ADAM22: variants seen among roughly 807,000 people sequenced by gnomAD.
The protein encoded by ADAM22 is disintegrin and metalloproteinase domain-containing protein 22.
A neutral mutation model predicts 144.6 loss-of-function variants in ADAM22; 65 were observed. That is an observed-to-expected ratio of 0.45 (90% CI 0.37 to 0.55). The LOEUF is 0.55. Ranked by LOEUF, ADAM22 falls within the 20% of genes least tolerant of loss-of-function variation. ADAM22 has a pLI of 0.00. For synonymous variants in ADAM22, 391 were observed against 412.6 expected (o/e 0.95, Z 0.63); for missense variants, 974 against 1,184.9 (o/e 0.82, Z 2.61).
At chr7:88,180,930 T>C (rs181821489) in intron 27 of ADAM22, among the ~76,000 whole-genome samples, 200 of 152,246 alleles carry the variant, frequency 1.3e-3, no homozygotes, top group African/African-American at 4.6e-3. Flanking sequence ...AGTTCAGTTA[T>C]TGAACAGTTA....
chr7:87,941,593 A>G (rs1842489160), intron 2 of ADAM22, among the ~76,000 whole-genome samples: 1 of 152,170 alleles, frequency 6.6e-6, no homozygotes, highest in Non-Finnish European at 1.5e-5. Flanking sequence ...ACTGCTATAA[A>G]TAGGAGACAT....
chr7:87,989,686 C>T (rs768120742), intron 3 of ADAM22, among the ~76,000 whole-genome samples: 5 of 152,184 alleles, frequency 3.3e-5, no homozygotes, highest in Non-Finnish European at 5.9e-5. Flanking sequence ...GAGGCCAAAG[C>T]GGCCAGATCG....
intron 22 of ADAM22, among the ~76,000 whole-genome samples, chr7:88,157,886 A>AT (rs1173070196): frequency 3.9e-5 from 6 of 152,184 alleles, no homozygotes; most frequent in African/African-American, 1.4e-4. Flanking sequence ...TGTAATTTTG[A>AT]TAAAAATAAA....
intron 5 of ADAM22, 109 bp downstream of exon 5, chr7:88,108,367 A>G: frequency 2.4e-6 from 2 of 848,534 alleles, no homozygotes; most frequent in Non-Finnish European, 3.6e-6. Flanking sequence ...AAATGACTTT[A>G]AATTGGTGAT....
intron 3 of ADAM22, among the ~76,000 whole-genome samples, chr7:88,053,642 AAG>A (rs1375878880): frequency 6.7e-6 from 1 of 150,242 alleles, no homozygotes; most frequent in African/African-American, 2.4e-5. Flanking sequence ...GAAAGAAAGA[AAG>A]AAAGAAACCA....
chr7:87,934,449 G>T lies in ADAM22; in HGVS notation c.-17G>T. ...AGGAGCTGAGCGTCTCGGGCGAGGC[G>T]GGCTGACGGCAGCACCATGCAGGCG... On this transcript the variant is annotated 5_prime_UTR_variant, in exon 1 of 32. Transcript: ENST00000413139. 6.3e-7 allele frequency: 1 copy of T among 1,580,366 alleles called. No individual in the cohort carries two copies. The highest frequency in any genetic ancestry group is 2.3e-5 in the East Asian group (1 of 42,832).
chr7:88,143,886 A>G (rs1835535825), intron 15 of ADAM22, among the ~76,000 whole-genome samples: 1 of 152,252 alleles, frequency 6.6e-6, no homozygotes, highest in Non-Finnish European at 1.5e-5. Flanking sequence ...TGACAATTTT[A>G]AGACTCTTCG....
intron 29 of ADAM22, chr7:88,184,323 T>C: frequency 2.3e-6 from 1 of 433,642 alleles, no homozygotes; most frequent in Non-Finnish European, 4.6e-6. Flanking sequence ...GCCTGGGCAC[T>C]CCCTCGCCCA....
intron 23 of ADAM22, 77 bp downstream of exon 23, chr7:88,163,257 T>G: frequency 8.1e-7 from 1 of 1,238,160 alleles, no homozygotes; most frequent in Non-Finnish European, 1.1e-6. Context: ...TATTTATTTT[T>G]CTTAATTATG....
intron 3 of ADAM22, among the ~76,000 whole-genome samples, chr7:88,054,631 T>TGTGTGTGA (rs1807680260): frequency 1.4e-5 from 2 of 146,514 alleles, no homozygotes; most frequent in South Asian, 4.4e-4. Flanking sequence ...TGTGTGTGTG[T>TGTGTGTGA]GATTCCTCTG....
At chr7:88,065,809 A>G (rs113261501) in intron 3 of ADAM22, among the ~76,000 whole-genome samples, 9 of 152,162 alleles carry the variant, frequency 5.9e-5, no homozygotes, top group Admixed American at 1.3e-4. Context: ...ATTCAAAATT[A>G]TTCCTTAAAT....
chr7:88,025,121 T>C (rs543360488), intron 3 of ADAM22, among the ~76,000 whole-genome samples: 143 of 152,238 alleles, frequency 9.4e-4, no homozygotes, highest in African/African-American at 3.1e-3. Context: ...CCTGAGGAAT[T>C]GCCACACTGA....
Position 88,148,928 on chromosome 7 carries a change from A to AT in ADAM22, c.1486-40dup, listed in dbSNP as rs3217001. 4.4e-3 allele frequency: 6,123 copies of AT among 1,377,360 alleles called. 138 individuals are homozygous for AT. The East Asian group carries it at 0.059, about 13-fold the overall frequency. 85.3% of individuals were successfully genotyped at this position (1,377,360 alleles called of 1,614,324 possible). A position where few individuals can be genotyped will look rare whatever the true frequency, so the allele number is the denominator to read the frequency against. ...TGTTTTTTTTAGATGATATTGTAAG[A>AT]TTTTTTTTTCTCCCTACAGTTTCAC... On this transcript the variant is annotated intron_variant, in intron 17 of 31. Coordinates refer to ENST00000413139, the MANE Select transcript of ADAM22 (RefSeq NM_001324418.2).
intron 3 of ADAM22, among the ~76,000 whole-genome samples, chr7:88,060,705 T>C (rs1809557390): frequency 2.0e-5 from 3 of 148,700 alleles, no homozygotes; most frequent in South Asian, 2.1e-4. Flanking sequence ...AGGCAGACCT[T>C]GCAGTGAGCC....
At chr7:87,990,272 T>C (rs541022659) in intron 3 of ADAM22, among the ~76,000 whole-genome samples, 2 of 152,336 alleles carry the variant, frequency 1.3e-5, no homozygotes, top group South Asian at 4.1e-4. Flanking sequence ...AATGGAGCTT[T>C]ATTGAACAGA....
chr7:88,134,553 C>A, intron 13 of ADAM22, 134 bp downstream of exon 13: 1 of 599,908 alleles, frequency 1.7e-6, no homozygotes, highest in Non-Finnish European at 2.8e-6. Context: ...ACATCCAGCG[C>A]ACAAACTGTT....
Position 88,130,462 on chromosome 7 carries a change from A to G in ADAM22, c.825+3A>G. On this transcript the variant is annotated splice_donor_region_variant and intron_variant, in intron 10 of 31. Transcript: ENST00000413139. ...CTGTGGTGAACATGGCAGATTTAGT[A>G]AGTATCAACCCCGTTCATTATTGCC... The G allele has an allele frequency of 6.2e-7, 1 of 1,612,026 alleles. No individual in the cohort carries two copies. Among genetic ancestry groups the G allele is most frequent in the Non-Finnish European group, 8.5e-7 (1 of 1,178,340 alleles).
Position 88,131,302 on chromosome 7 carries a change from T to C in ADAM22, c.859T>C (p.Leu287=). The C allele has an allele frequency of 1.2e-6, 2 of 1,613,764 alleles. No homozygotes were observed. The highest frequency in any genetic ancestry group is 1.7e-6 in the Non-Finnish European group (2 of 1,179,826). The change falls in exon 11 of 32, where the codon TTG becomes CTG. Residue 287 remains leucine (L), a synonymous_variant. Transcript: ENST00000413139. ...YKDQLKTRIV[L]VAMETWATDN... Reference sequence around the variant, plus strand: ...AGACCAACTTAAGACCAGGATAGTATTGGTTGCTATGGAAACCTGGGCGAC... The same window carrying C: ...AGACCAACTTAAGACCAGGATAGTACTGGTTGCTATGGAAACCTGGGCGAC...
chr7:88,002,500 G>A (rs1044163841), intron 3 of ADAM22, among the ~76,000 whole-genome samples: 4 of 152,170 alleles, frequency 2.6e-5, no homozygotes, highest in Non-Finnish European at 4.4e-5. Flanking sequence ...CAGGGAATAC[G>A]ATGCCACAAG....
Sources: allele counts gnomAD v4.1 joint callset (sites outside exome capture counted in the v4.1 genomes callset), GRCh38; gene constraint gnomAD v4.1.1; transcripts MANE v1.5; gene names NCBI Gene and HGNC (gene_info 2026-07-23, HGNC 2026-07-21).